Variants in TEAD1 observed in about 807,000 individuals in gnomAD.
TEAD1 encodes TEA domain transcription factor 1, also known as transcriptional enhancer factor TEF-1.
Under a neutral mutation model 54.9 loss-of-function variants are expected in TEAD1, and 9 were observed. That is an observed-to-expected ratio of 0.16 (90% confidence interval 0.10 to 0.29). The LOEUF (loss-of-function observed/expected upper bound fraction) is 0.29, where lower values mean the gene tolerates loss of function less well. Ranked by LOEUF, TEAD1 falls within the 10% of genes least tolerant of loss-of-function variation. The probability of loss-of-function intolerance (pLI) is 1.00; values close to 1 mark genes in which losing one functional copy is unlikely to be tolerated. For synonymous variants in TEAD1, 200 were observed against 187.8 expected (o/e 1.07, Z -0.53); for missense variants, 387 against 535.9 (o/e 0.72, Z 2.74).
In TEAD1 at chr11:12,821,589, A is replaced by G. The variant is rs185224611; in HGVS notation, c.203-40661A>G. ...TTCCCTGAGCATGCAGTCGGAAACT[A>G]TGACCTCTTCTGGAGGACCATGACT... On this transcript the variant is annotated intron_variant, in intron 3 of 12. Transcript: ENST00000527636. Among the ~76,000 whole-genome samples, 102 of 152,340 alleles carry G rather than the reference A, an allele frequency of 6.7e-4. 1 individual carries two copies. The highest frequency in any genetic ancestry group is 1.9e-3 in the African/African-American group (80 of 41,580).
rs1212998512 is a variant in TEAD1 at position 12,937,505 on chromosome 11, A to C, written c.*283A>C. The C allele has an allele frequency of 3.4e-6, 1 of 292,530 alleles. No individual in the cohort carries two copies. Among genetic ancestry groups the C allele is most frequent in the Non-Finnish European group, 6.6e-6 (1 of 152,054 alleles). 18.1% of individuals were successfully genotyped at this position (292,530 alleles called of 1,614,324 possible). A position where few individuals can be genotyped will look rare whatever the true frequency, so the allele number is the denominator to read the frequency against. On this transcript the variant is annotated 3_prime_UTR_variant, in exon 13 of 13. Coordinates refer to ENST00000527636, the MANE Select transcript of TEAD1 (RefSeq NM_021961.6). Reference sequence around the variant, plus strand: ...TGTGCAGCCCACAATTCCTCGGGAAAGGTGAACCTGAACAACCCAAGTCTC... The same window carrying C: ...TGTGCAGCCCACAATTCCTCGGGAACGGTGAACCTGAACAACCCAAGTCTC...
chr11:12,790,979 A>G (rs1945789716), intron 3 of TEAD1, among the ~76,000 whole-genome samples: 2 of 152,246 alleles, frequency 1.3e-5, no homozygotes, highest in Non-Finnish European at 2.9e-5. Flanking sequence ...ACGTAGAGCA[A>G]TTCTATTTCT....
At chr11:12,821,682 T>C (rs1201429582) in intron 3 of TEAD1, among the ~76,000 whole-genome samples, 2 of 152,062 alleles carry the variant, frequency 1.3e-5, no homozygotes, top group Non-Finnish European at 2.9e-5. Context: ...GAAAAATGGG[T>C]TTATAAAAAA....
chr11:12,737,106 C>G (rs576738520), intron 2 of TEAD1, among the ~76,000 whole-genome samples: 25 of 152,148 alleles, frequency 1.6e-4, no homozygotes, highest in African/African-American at 5.5e-4. Flanking sequence ...TGAGAGCTAT[C>G]TAAAAACGTC....
At chr11:12,745,386 A>G (rs1053232472) in intron 2 of TEAD1, among the ~76,000 whole-genome samples, 7 of 152,124 alleles carry the variant, frequency 4.6e-5, no homozygotes, top group African/African-American at 1.7e-4. Context: ...ACTACAGTGA[A>G]TTTCACTACT....
intron 10 of TEAD1, among the ~76,000 whole-genome samples, chr11:12,910,822 C>G (rs1265661200): frequency 1.3e-5 from 2 of 148,830 alleles, no homozygotes; most frequent in Non-Finnish European, 3.0e-5. Context: ...TCTCGGCTCA[C>G]TGCAACCTCT....
chr11:12,918,417 A>T (rs1948751612), intron 10 of TEAD1, among the ~76,000 whole-genome samples: 1 of 151,900 alleles, frequency 6.6e-6, no homozygotes, highest in East Asian at 1.9e-4. Flanking sequence ...CATCTGTGAT[A>T]TGGTTGGATA....
Position 12,938,952 on chromosome 11 carries a change from A to T in TEAD1, c.*1730A>T, listed in dbSNP as rs573413931. ...AAAAAACTTAGTTCTACCACATCCA[A>T]TTAACTTACACACCCCCTTCCCTGT... On this transcript the variant is annotated 3_prime_UTR_variant, in exon 13 of 13. Coordinates refer to ENST00000527636, the MANE Select transcript of TEAD1 (RefSeq NM_021961.6). 32 of 152,348 alleles carry T rather than the reference A, an allele frequency of 2.1e-4. No individual in the cohort carries two copies. The highest frequency in any genetic ancestry group is 7.7e-4 in the African/African-American group (32 of 41,588). The allele number at this position is 152,348 out of a possible 1,614,324, so 9.4% of individuals were successfully genotyped here. A position where few individuals can be genotyped will look rare whatever the true frequency, so the allele number is the denominator to read the frequency against.
intron 3 of TEAD1, among the ~76,000 whole-genome samples, chr11:12,792,221 G>T (rs1180559087): frequency 2.0e-5 from 3 of 152,104 alleles, no homozygotes; most frequent in Non-Finnish European, 2.9e-5. Flanking sequence ...GCTGTGTTTG[G>T]TAGATAACTA....
chr11:12,677,126 C>A (rs747247870), intron 2 of TEAD1, among the ~76,000 whole-genome samples: 2 of 151,962 alleles, frequency 1.3e-5, no homozygotes, highest in Non-Finnish European at 1.5e-5. Context: ...GGGGAACATG[C>A]CTGAGAGAGA....
chr11:12,880,633 G>A (rs572251664), intron 6 of TEAD1, among the ~76,000 whole-genome samples: 3 of 152,298 alleles, frequency 2.0e-5, no homozygotes, highest in East Asian at 1.9e-4. Context: ...TGCTGTTGAC[G>A]CAGAATATTA....
At chr11:12,882,086 G>C (rs1277175280) in intron 8 of TEAD1, 129 bp downstream of exon 8, 9 of 983,760 alleles carry the variant, frequency 9.1e-6, no homozygotes, top group Non-Finnish European at 1.3e-5. Flanking sequence ...TGACTTGCAG[G>C]ATCCTTGGGT....
chr11:12,922,017 A>G (rs188771944), intron 10 of TEAD1, among the ~76,000 whole-genome samples: 1 of 152,306 alleles, frequency 6.6e-6, no homozygotes, highest in East Asian at 1.9e-4. Flanking sequence ...GGTAACATAA[A>G]ACCGGATAAG....
chr11:12,783,094 G>GACT (rs1564938140), intron 3 of TEAD1, among the ~76,000 whole-genome samples: 19 of 138,218 alleles, frequency 1.4e-4, no homozygotes, highest in African/African-American at 5.6e-4. Context: ...AACCAGGTAA[G>GACT]GGTTTGTGTG....
chr11:12,910,944 G>A (rs78060332), intron 10 of TEAD1, among the ~76,000 whole-genome samples: 3 of 151,792 alleles, frequency 2.0e-5, no homozygotes, highest in Non-Finnish European at 4.4e-5. Context: ...ATGGGGTTTC[G>A]CCATGTTGGC....
At chr11:12,854,391 C>G (rs1947331248) in intron 3 of TEAD1, among the ~76,000 whole-genome samples, 1 of 152,130 alleles carries the variant, frequency 6.6e-6, no homozygotes, top group African/African-American at 2.4e-5. Flanking sequence ...GTGGACTTCT[C>G]TGTCTGGTAG....
intron 3 of TEAD1, among the ~76,000 whole-genome samples, chr11:12,788,061 C>T (rs898743617): frequency 1.0e-4 from 15 of 150,536 alleles, no homozygotes; most frequent in East Asian, 9.8e-4. Context: ...CTCCAGAGTT[C>T]GGGTGATTTT....
intron 9 of TEAD1, 63 bp downstream of exon 9, chr11:12,883,188 C>G (rs1948005010): frequency 6.2e-7 from 1 of 1,610,862 alleles, no homozygotes; most frequent in Non-Finnish European, 8.5e-7. Context: ...TGTTTACCTC[C>G]TTGCTTCTCT....
At chr11:12,708,143 G>C (rs1048328111) in intron 2 of TEAD1, among the ~76,000 whole-genome samples, 1 of 151,772 alleles carries the variant, frequency 6.6e-6, no homozygotes, top group African/African-American at 2.4e-5. Flanking sequence ...CAGGTGTCTC[G>C]GTGGAAGAAT....
Sources: gnomAD v4.1 joint callset for allele counts (sites outside exome capture counted in the v4.1 genomes callset) on GRCh38, gnomAD v4.1.1 for gene constraint, MANE v1.5 for transcripts, NCBI Gene and HGNC (gene_info 2026-07-23, HGNC 2026-07-21) for gene names.